HECW1: variants seen among roughly 807,000 people sequenced by gnomAD.
HECW1 encodes the protein E3 ubiquitin-protein ligase HECW1.
Under a neutral mutation model 182.3 loss-of-function variants are expected in HECW1, and 61 were observed. The ratio of observed to expected loss-of-function variants is 0.33; its 90% CI spans 0.27 to 0.41. HECW1 has a LOEUF of 0.41. Among genes scored for constraint, HECW1 ranks in the 10% least tolerant of loss-of-function variants. The pLI, the probability that HECW1 is intolerant of heterozygous loss-of-function variation, is 1.00. For synonymous variants in HECW1, 859 were observed against 832.6 expected (o/e 1.03, Z -0.55); for missense variants, 1,739 against 2,108.9 (o/e 0.82, Z 3.44).
At chr7:43,486,368 C>T (rs1563042098) in intron 17 of HECW1, among the ~76,000 whole-genome samples, 1 of 151,710 alleles carries the variant, frequency 6.6e-6, no homozygotes, top group Non-Finnish European at 1.5e-5. Flanking sequence ...ATGGCACGAT[C>T]TTGGCTCGCT....
intron 6 of HECW1, among the ~76,000 whole-genome samples, chr7:43,378,619 A>G (rs1004421446): frequency 1.3e-5 from 2 of 152,222 alleles, no homozygotes; most frequent in African/African-American, 2.4e-5. Context: ...AGCCTGGCCA[A>G]CATAGTGAAA....
chr7:43,260,154 G>A (rs903571580), intron 3 of HECW1, among the ~76,000 whole-genome samples: 22 of 152,202 alleles, frequency 1.4e-4, no homozygotes, highest in African/African-American at 4.6e-4. Flanking sequence ...TAAAGGCAAT[G>A]GAAAGGCATC....
Position 43,445,324 on chromosome 7 carries a change from C to T in HECW1, c.2152C>T (p.Arg718Cys), listed in dbSNP as rs901083422. 3.1e-6 allele frequency: 5 copies of T among 1,613,712 alleles called. No individual in the cohort carries two copies. The African/African-American group carries it at 4.0e-5, about 13-fold the overall frequency. The change falls in exon 11 of 30, where the codon CGC becomes TGC. Residue 718 changes from arginine (R) to cysteine (C), a missense_variant. Physicochemically the swap from Arg to Cys is radical, Grantham distance 180. Coordinates refer to ENST00000395891, the MANE Select transcript of HECW1 (RefSeq NM_015052.5). ...YNGNRFASHT[R>C]FSSVDSAKIS... ...CGGCAACAGGTTCGCCAGCCACACG[C>T]GCTTCTCCTCCGTGGACAGCGCCAA...
intron 3 of HECW1, 140 bp downstream of exon 3, chr7:43,244,072 TGA>T: frequency 1.3e-6 from 1 of 747,728 alleles, no homozygotes; most frequent in Admixed American, 1.9e-5. Flanking sequence ...GCTGGACATT[TGA>T]GATCCATCAC....
At chr7:43,399,152 A>G (rs2152839456) in intron 7 of HECW1, among the ~76,000 whole-genome samples, 1 of 152,348 alleles carries the variant, frequency 6.6e-6, no homozygotes, top group East Asian at 1.9e-4. Flanking sequence ...AATGCAGTCT[A>G]GTCTCCAGGC....
chr7:43,157,813 G>A (rs1046185139), intron 2 of HECW1, among the ~76,000 whole-genome samples: 23 of 152,152 alleles, frequency 1.5e-4, no homozygotes, highest in African/African-American at 4.8e-4. Flanking sequence ...CACCTGTCTT[G>A]GCCTCCCAAA....
intron 8 of HECW1, among the ~76,000 whole-genome samples, chr7:43,420,458 G>A (rs1026224423): frequency 4.5e-4 from 69 of 152,156 alleles, no homozygotes; most frequent in African/African-American, 1.6e-3. Flanking sequence ...TATTGTGCTA[G>A]AGATTCTAGC....
At chr7:43,233,195 C>A (rs1389065257) in intron 2 of HECW1, among the ~76,000 whole-genome samples, 1 of 152,114 alleles carries the variant, frequency 6.6e-6, no homozygotes, top group Non-Finnish European at 1.5e-5. Flanking sequence ...AATGTAGAAA[C>A]AACAGTTACT....
At chr7:43,163,470 T>C (rs1790772809) in intron 2 of HECW1, among the ~76,000 whole-genome samples, 1 of 152,196 alleles carries the variant, frequency 6.6e-6, no homozygotes, top group South Asian at 2.1e-4. Context: ...AGGCAGGCTC[T>C]GCTTCTGGCT....
intron 5 of HECW1, among the ~76,000 whole-genome samples, chr7:43,345,415 T>C (rs1169318768): frequency 2.0e-5 from 3 of 152,100 alleles, no homozygotes; most frequent in African/African-American, 4.8e-5. Flanking sequence ...TTTATGGTTT[T>C]TTATTTTTAT....
At chr7:43,121,380 C>T (rs1011352379) in intron 2 of HECW1, among the ~76,000 whole-genome samples, 1 of 152,176 alleles carries the variant, frequency 6.6e-6, no homozygotes, top group African/African-American at 2.4e-5. Context: ...CCAAAGTACG[C>T]ACAATTCCCT....
chr7:43,244,064 T>G, intron 3 of HECW1, 132 bp downstream of exon 3: 1 of 771,092 alleles, frequency 1.3e-6, no homozygotes, highest in Non-Finnish European at 2.4e-6. Flanking sequence ...CAAGTGTGGC[T>G]GGACATTTGA....
chr7:43,410,079 C>A (rs1487283480), intron 8 of HECW1, among the ~76,000 whole-genome samples: 1 of 152,214 alleles, frequency 6.6e-6, no homozygotes, highest in Non-Finnish European at 1.5e-5. Flanking sequence ...AGCAGATGGC[C>A]TCATCCTCCT....
At chr7:43,347,299 T>C (rs1813812582) in intron 5 of HECW1, among the ~76,000 whole-genome samples, 1 of 152,148 alleles carries the variant, frequency 6.6e-6, no homozygotes, top group African/African-American at 2.4e-5. Flanking sequence ...TAAAAGGGGT[T>C]GAGTTCTTGA....
At chr7:43,194,171 A>G (rs1430413953) in intron 2 of HECW1, among the ~76,000 whole-genome samples, 4 of 151,944 alleles carry the variant, frequency 2.6e-5, no homozygotes, top group Admixed American at 2.6e-4. Flanking sequence ...CTGGTTTTTC[A>G]GGTTTCTTTG....
At chr7:43,440,168 A>G (rs573281501) in intron 9 of HECW1, 1 of 152,456 alleles carries the variant, frequency 6.6e-6, no homozygotes, top group Admixed American at 6.5e-5. Context: ...GAGTGCACCC[A>G]CAACAAAAGT....
In HECW1 at chr7:43,545,054, A is replaced by G. The variant is rs2081502749; in HGVS notation, c.4248+3056A>G. Among the ~76,000 whole-genome samples, 4 of 152,216 alleles carry G rather than the reference A, an allele frequency of 2.6e-5. No homozygotes were observed. In the South Asian group the frequency reaches 8.3e-4, roughly 31 times the overall value. On this transcript the variant is annotated intron_variant, in intron 26 of 29. Coordinates refer to ENST00000395891, the MANE Select transcript of HECW1 (RefSeq NM_015052.5). Reference sequence around the variant, plus strand: ...AGAGGTGGAAGGATCTCTTGAAGCCAGGAGTTCAAGACCAGCCTGGGCAAC... The same window carrying G: ...AGAGGTGGAAGGATCTCTTGAAGCCGGGAGTTCAAGACCAGCCTGGGCAAC...
rs1473540270 is a variant in HECW1, at chr7:43,445,002, G to A, written c.1830G>A (p.Pro610=). 3.9e-6 allele frequency: 6 copies of A among 1,555,510 alleles called. No individual in the cohort carries two copies. The highest frequency in any genetic ancestry group is 3.7e-5 in the Admixed American group (2 of 54,156). ...AGGTGGACACGGTGGCCGCTGACCC[G>A]TCTGCCCTGGAAGAGGACAGAGAAG... ...LSEVDTVAAD[P]SALEEDREEP... The change falls in exon 11 of 30, where the codon CCG becomes CCA. Residue 610 remains proline (P), a synonymous_variant. Coordinates refer to ENST00000395891, the MANE Select transcript of HECW1 (RefSeq NM_015052.5).
chr7:43,152,534 C>A (rs955345086), intron 2 of HECW1, among the ~76,000 whole-genome samples: 1 of 152,118 alleles, frequency 6.6e-6, no homozygotes, highest in African/African-American at 2.4e-5. Flanking sequence ...ATTCCTGTTT[C>A]ATGGATGAGC....
Sources: allele counts gnomAD v4.1 joint callset (sites outside exome capture counted in the v4.1 genomes callset), GRCh38; gene constraint gnomAD v4.1.1; transcripts MANE v1.5; gene names NCBI Gene and HGNC (gene_info 2026-07-23, HGNC 2026-07-21).